The following NDUFAF6 variants were observed in gnomAD, a reference collection of about 807,000 sequenced individuals.
NDUFAF6 encodes the protein NADH dehydrogenase (ubiquinone) complex I, assembly factor 6.
A neutral mutation model predicts 40.8 loss-of-function variants in NDUFAF6; 45 were observed. That is an observed-to-expected ratio of 1.10 (90% confidence interval 0.87 to 1.42). The LOEUF is 1.42. Among genes scored for constraint, NDUFAF6 ranks in the 40% most tolerant of loss-of-function variants. The pLI, the probability that NDUFAF6 is intolerant of heterozygous loss-of-function variation, is 0.00. For synonymous variants in NDUFAF6, 185 were observed against 155.9 expected, an observed-to-expected ratio of 1.19 and a Z score of -1.39; for missense variants, 435 against 418.5, an observed-to-expected ratio of 1.04 and a Z score of -0.34.
At chr8:94,900,670 T>C (rs1023656707) in intron 1 of NDUFAF6, among the ~76,000 whole-genome samples, 22 of 152,128 alleles carry the variant, frequency 1.4e-4, no homozygotes, top group African/African-American at 5.3e-4. Context: ...GGGGCCCTGC[T>C]CTCCACTGAG....
intron 2 of NDUFAF6, among the ~76,000 whole-genome samples, chr8:94,947,569 T>C (rs922363104): frequency 3.3e-5 from 5 of 152,184 alleles, no homozygotes; most frequent in African/African-American, 1.2e-4. Context: ...AAAATGGATT[T>C]TGAACTGCAG....
At chr8:94,908,464 G>A (rs1818528591) in intron 1 of NDUFAF6, among the ~76,000 whole-genome samples, 1 of 152,050 alleles carries the variant, frequency 6.6e-6, no homozygotes, top group African/African-American at 2.4e-5. Context: ...CAACCTCCTG[G>A]GCTCAAGCAA....
intron 3 of NDUFAF6, among the ~76,000 whole-genome samples, chr8:95,037,896 A>G (rs527325010): frequency 1.3e-5 from 2 of 152,354 alleles, no homozygotes; most frequent in East Asian, 3.9e-4. Context: ...AAGCAGGACA[A>G]ACACCTCTAT....
chr8:95,025,298 C>A, intron 1 of NDUFAF6, 93 bp downstream of exon 1: 1 of 1,228,088 alleles, frequency 8.1e-7, no homozygotes, highest in Non-Finnish European at 1.0e-6. Flanking sequence ...TTTGAGCGAG[C>A]GGACCGGCGC....
downstream of NDUFAF6, among the ~76,000 whole-genome samples, chr8:95,106,832 C>A (rs1322302826): frequency 6.6e-6 from 1 of 152,148 alleles, no homozygotes; most frequent in Non-Finnish European, 1.5e-5. Flanking sequence ...AGGATATGAA[C>A]AGACACTTCT....
intron 2 of NDUFAF6, among the ~76,000 whole-genome samples, chr8:95,091,459 TG>T (rs1421410515): frequency 6.6e-6 from 1 of 152,058 alleles, no homozygotes; most frequent in Non-Finnish European, 1.5e-5. Context: ...ATGGGGATTA[TG>T]GGGGTTACAA....
At chr8:94,951,868 A>G (rs1181349486) in intron 2 of NDUFAF6, among the ~76,000 whole-genome samples, 2 of 152,246 alleles carry the variant, frequency 1.3e-5, no homozygotes, top group Non-Finnish European at 2.9e-5. Flanking sequence ...TGTCATCTCC[A>G]TAGCGTAGAG....
intron 7 of NDUFAF6, among the ~76,000 whole-genome samples, chr8:95,051,402 G>A (rs1329102225): frequency 6.6e-6 from 1 of 152,214 alleles, no homozygotes; most frequent in Admixed American, 6.5e-5. Flanking sequence ...TAGATGTGGT[G>A]ATTAGTAAAT....
At chr8:94,982,444 A>G (rs1284044006) in intron 2 of NDUFAF6, among the ~76,000 whole-genome samples, 2 of 152,216 alleles carry the variant, frequency 1.3e-5, no homozygotes, top group Non-Finnish European at 1.5e-5. Context: ...AACAATGACA[A>G]AATCACTTAA....
downstream of NDUFAF6, among the ~76,000 whole-genome samples, chr8:95,059,598 C>T (rs1319715744): frequency 6.6e-6 from 1 of 152,128 alleles, no homozygotes; most frequent in Non-Finnish European, 1.5e-5. Flanking sequence ...CCTGTCATCC[C>T]AACACTTTGG....
At chr8:95,046,898 C>T in intron 5 of NDUFAF6, 96 bp from the exon 6 acceptor site, 4 of 1,530,288 alleles carry the variant, frequency 2.6e-6, no homozygotes, top group Non-Finnish European at 2.7e-6. Context: ...GGATAAATGT[C>T]TCCTTTTACA....
chr8:95,043,962 A>G (rs950334655), intron 4 of NDUFAF6, among the ~76,000 whole-genome samples: 1 of 152,254 alleles, frequency 6.6e-6, no homozygotes, highest in Non-Finnish European at 1.5e-5. Context: ...AACATTATTC[A>G]TGAAAGCCCG....
At chr8:94,962,010 T>G (rs1420769692) in intron 1 of NDUFAF6, among the ~76,000 whole-genome samples, 3 of 152,208 alleles carry the variant, frequency 2.0e-5, no homozygotes, top group Admixed American at 6.5e-5. Flanking sequence ...CTTCTCCACT[T>G]TGTCCTTTGC....
At chr8:95,012,195 G>C (rs1827252433) in intron 2 of NDUFAF6, among the ~76,000 whole-genome samples, 2 of 152,154 alleles carry the variant, frequency 1.3e-5, no homozygotes, top group Non-Finnish European at 2.9e-5. Context: ...GCAAGATTGA[G>C]CACTGTTTTA....
At chr8:95,090,239 C>G (rs1479900286) in intron 2 of NDUFAF6, among the ~76,000 whole-genome samples, 5 of 152,196 alleles carry the variant, frequency 3.3e-5, no homozygotes, top group African/African-American at 4.8e-5. Flanking sequence ...TTCTCTGTAT[C>G]AAATCAGGGT....
rs1004493087 is a variant in NDUFAF6 at position 95,069,695 on chromosome 8, G to A, written c.*512-5938G>A. Among the ~76,000 whole-genome samples, 4 of 149,810 alleles carry A rather than the reference G, an allele frequency of 2.7e-5. No individual in the cohort carries two copies. In the East Asian group the frequency reaches 5.8e-4, roughly 22 times the overall value. On this transcript the variant is annotated intron_variant and NMD_transcript_variant, in intron 9 of 9. Coordinates refer to the NDUFAF6 transcript ENST00000520757. ...CTCGGGAGGCTGAGTCATGAGAATCGCTGGAACCCGGGAGGCAGAGATTGC... is the reference window on the plus strand; with the variant it reads ...CTCGGGAGGCTGAGTCATGAGAATCACTGGAACCCGGGAGGCAGAGATTGC...
At chr8:95,057,246 C>T (rs1050128937) in intron 8 of NDUFAF6, among the ~76,000 whole-genome samples, 39 of 152,130 alleles carry the variant, frequency 2.6e-4, no homozygotes, top group African/African-American at 8.5e-4. Flanking sequence ...TACTGCACAT[C>T]GTTGGTGTTT....
At chr8:94,984,769 A>C (rs1328223446) in intron 2 of NDUFAF6, among the ~76,000 whole-genome samples, 1 of 152,208 alleles carries the variant, frequency 6.6e-6, no homozygotes, top group Non-Finnish European at 1.5e-5. Context: ...ATGTACACGG[A>C]TGGGAGAGAA....
intron 2 of NDUFAF6, among the ~76,000 whole-genome samples, chr8:94,993,282 A>G (rs910422648): frequency 6.6e-6 from 1 of 152,184 alleles, no homozygotes; most frequent in African/African-American, 2.4e-5. Context: ...GTCTCCAAAT[A>G]CAGTCACATC....
Sources: gnomAD v4.1 joint callset for allele counts (sites outside exome capture counted in the v4.1 genomes callset) on GRCh38, gnomAD v4.1.1 for gene constraint, MANE v1.5 for transcripts, NCBI Gene and HGNC (gene_info 2026-07-23, HGNC 2026-07-21) for gene names.